Variants in SEMA5A observed in about 807,000 individuals in gnomAD.
SEMA5A encodes the protein semaphorin-5A.
Under a neutral mutation model 135.5 loss-of-function variants are expected in SEMA5A, and 55 were observed. That is an observed-to-expected ratio of 0.41 (90% confidence interval 0.33 to 0.51). The LOEUF (loss-of-function observed/expected upper bound fraction) is 0.51, where lower values mean the gene tolerates loss of function less well. Ranked by LOEUF, SEMA5A falls within the 20% of genes least tolerant of loss-of-function variation. The pLI is 0.37. For synonymous variants in SEMA5A, 580 were observed against 546.5 expected (o/e 1.06, Z -0.85); for missense variants, 1,290 against 1,419.9 (o/e 0.91, Z 1.47).
At chr5:9,152,831 G>A (rs1347768233) in intron 12 of SEMA5A, among the ~76,000 whole-genome samples, 2 of 152,188 alleles carry the variant, frequency 1.3e-5, no homozygotes, top group African/African-American at 4.8e-5. Flanking sequence ...CAGCACTTTG[G>A]GAGACAGAGG....
chr5:9,526,057 T>C (rs1180569210), intron 1 of SEMA5A, among the ~76,000 whole-genome samples: 1 of 152,194 alleles, frequency 6.6e-6, no homozygotes, highest in Non-Finnish European at 1.5e-5. Context: ...AATAGAAAAG[T>C]AATCAAAAGG....
At chr5:9,328,182 C>T (rs1266680461) in intron 4 of SEMA5A, among the ~76,000 whole-genome samples, 1 of 152,148 alleles carries the variant, frequency 6.6e-6, no homozygotes, top group African/African-American at 2.4e-5. Flanking sequence ...CCATCAATTG[C>T]TGTCAAAATC....
chr5:9,334,943 C>T (rs141080983), intron 4 of SEMA5A, among the ~76,000 whole-genome samples: 1 of 152,276 alleles, frequency 6.6e-6, no homozygotes. Flanking sequence ...TCCGATCCTT[C>T]CCAGCAGACC....
At chr5:9,050,923 A>T (rs759856168) in intron 20 of SEMA5A, among the ~76,000 whole-genome samples, 11 of 152,224 alleles carry the variant, frequency 7.2e-5, no homozygotes, top group Non-Finnish European at 1.6e-4. Context: ...CCTCTTCAGG[A>T]GGCCACTGAT....
At chr5:9,391,977 A>G (rs1344591784) in intron 2 of SEMA5A, among the ~76,000 whole-genome samples, 1 of 152,140 alleles carries the variant, frequency 6.6e-6, no homozygotes, top group Admixed American at 6.5e-5. Context: ...ACATGCACAC[A>G]CACATATGCA....
chr5:9,391,525 C>A (rs16882610), intron 2 of SEMA5A, among the ~76,000 whole-genome samples: 3,071 of 152,270 alleles, frequency 0.02, 98 homozygotes, highest in East Asian at 0.14. Context: ...TACTTCCTGG[C>A]TGAGTCTTCG....
At chr5:9,438,551 A>T (rs952482586) in intron 1 of SEMA5A, among the ~76,000 whole-genome samples, 2 of 152,236 alleles carry the variant, frequency 1.3e-5, no homozygotes, top group Non-Finnish European at 2.9e-5. Context: ...GAGGCTGAAA[A>T]TATAGGTGAC....
At chr5:9,141,802 G>T (rs1374999450) in intron 12 of SEMA5A, among the ~76,000 whole-genome samples, 11 of 152,158 alleles carry the variant, frequency 7.2e-5, no homozygotes, top group African/African-American at 2.7e-4. Context: ...CTGAAAAGTT[G>T]AGATTTATTA....
At chr5:9,084,588 T>G (rs188435001) in intron 16 of SEMA5A, among the ~76,000 whole-genome samples, 1 of 152,336 alleles carries the variant, frequency 6.6e-6, no homozygotes, top group Non-Finnish European at 1.5e-5. Flanking sequence ...CCATGTGAGA[T>G]ATGCCTTTCA....
At chr5:9,048,209 A>G (rs1411144483) in intron 21 of SEMA5A, among the ~76,000 whole-genome samples, 1 of 152,208 alleles carries the variant, frequency 6.6e-6, no homozygotes, top group East Asian at 1.9e-4. Flanking sequence ...TCCCGAACAC[A>G]ATGCTTTTGG....
intron 3 of SEMA5A, among the ~76,000 whole-genome samples, chr5:9,373,368 G>C (rs557665574): frequency 2.2e-4 from 33 of 152,198 alleles, no homozygotes; most frequent in Admixed American, 2.0e-4. Context: ...TGGGGATAAA[G>C]GCAGCTGTTA....
chr5:9,232,168 G>T (rs544909011), intron 6 of SEMA5A, among the ~76,000 whole-genome samples: 1 of 152,262 alleles, frequency 6.6e-6, no homozygotes, highest in East Asian at 1.9e-4. Context: ...AATTGGTTTT[G>T]TCATATAGCA....
intron 12 of SEMA5A, among the ~76,000 whole-genome samples, chr5:9,153,067 C>CAA (rs1300237290): frequency 8.5e-5 from 5 of 59,104 alleles, no homozygotes; most frequent in African/African-American, 3.6e-4. Flanking sequence ...GACTCCATTT[C>CAA]AGAAAAAAAA....
At chr5:9,303,641 A>G (rs984717967) in intron 5 of SEMA5A, among the ~76,000 whole-genome samples, 3 of 152,204 alleles carry the variant, frequency 2.0e-5, no homozygotes, top group Non-Finnish European at 2.9e-5. Flanking sequence ...GAATGAGGTG[A>G]TGAATAAGCT....
intron 12 of SEMA5A, among the ~76,000 whole-genome samples, chr5:9,139,168 C>A (rs555532778): frequency 6.6e-6 from 1 of 152,280 alleles, no homozygotes; most frequent in East Asian, 1.9e-4. Context: ...TTTAAGGAAT[C>A]GCCACACTGT....
chr5:9,272,517 G>T (rs1481221617), intron 5 of SEMA5A, among the ~76,000 whole-genome samples: 1 of 152,160 alleles, frequency 6.6e-6, no homozygotes, highest in African/African-American at 2.4e-5. Context: ...TCTGATAAGG[G>T]ACAGACTGCC....
intron 1 of SEMA5A, among the ~76,000 whole-genome samples, chr5:9,523,459 T>G (rs142092723): frequency 6.6e-6 from 1 of 152,158 alleles, no homozygotes; most frequent in African/African-American, 2.4e-5. Context: ...TTGCAACCAC[T>G]CCATATTGTG....
intron 11 of SEMA5A, among the ~76,000 whole-genome samples, chr5:9,187,376 G>A (rs1017711293): frequency 6.6e-6 from 1 of 152,130 alleles, no homozygotes; most frequent in Non-Finnish European, 1.5e-5. Context: ...AGTTAAAATT[G>A]TCAAGCCAGT....
At chr5:9,388,856 G>A (rs1324900951) in intron 2 of SEMA5A, among the ~76,000 whole-genome samples, 4 of 150,120 alleles carry the variant, frequency 2.7e-5, no homozygotes, top group African/African-American at 7.3e-5. Context: ...CTGAGATCTC[G>A]CCACTGCACT....
Sources: allele counts gnomAD v4.1 joint callset (sites outside exome capture counted in the v4.1 genomes callset), GRCh38; gene constraint gnomAD v4.1.1; transcripts MANE v1.5; gene names NCBI Gene and HGNC (gene_info 2026-07-23, HGNC 2026-07-21).